Variants in HS3ST4 observed in about 807,000 individuals in gnomAD.
The protein encoded by HS3ST4 is heparan sulfate glucosamine 3-O-sulfotransferase 4.
In HS3ST4, 17 loss-of-function variants were observed where a neutral mutation model predicts 29.2. That is an observed-to-expected ratio of 0.58 (90% CI 0.40 to 0.87). The LOEUF is 0.87. Ranked by LOEUF, HS3ST4 falls within the 40% of genes least tolerant of loss-of-function variation. The pLI, the probability that HS3ST4 is intolerant of heterozygous loss-of-function variation, is 0.00. For missense variants in HS3ST4, 627 were observed against 634.5 expected (o/e 0.99, Z 0.13); for synonymous variants, 314 against 285.7 (o/e 1.10, Z -1.00).
chr16:25,991,697 A>T (rs553356478), intron 1 of HS3ST4, among the ~76,000 whole-genome samples: 1 of 152,304 alleles, frequency 6.6e-6, no homozygotes, highest in South Asian at 2.1e-4. Flanking sequence ...AGACTGGCTA[A>T]AATTATGTCC....
intron 1 of HS3ST4, among the ~76,000 whole-genome samples, chr16:25,956,491 C>T (rs1384903407): frequency 3.3e-5 from 5 of 152,158 alleles, no homozygotes; most frequent in African/African-American, 9.7e-5. Flanking sequence ...AAATCTAGGG[C>T]ATCCAAATTG....
At chr16:26,118,529 A>C (rs1347713415) in intron 1 of HS3ST4, among the ~76,000 whole-genome samples, 2 of 152,214 alleles carry the variant, frequency 1.3e-5, no homozygotes, top group Non-Finnish European at 1.5e-5. Context: ...GCCATTCGTA[A>C]CTACTGGGCA....
chr16:26,094,888 C>T (rs9934523), intron 1 of HS3ST4, among the ~76,000 whole-genome samples: 5,083 of 151,912 alleles, frequency 0.033, 268 homozygotes, highest in African/African-American at 0.11. Flanking sequence ...TGCAAAGATG[C>T]ACATAGGCTC....
intron 1 of HS3ST4, among the ~76,000 whole-genome samples, chr16:25,845,236 C>T (rs954030613): frequency 3.3e-5 from 5 of 152,082 alleles, no homozygotes; most frequent in East Asian, 1.9e-4. Context: ...AGGCCGGGCA[C>T]GGGGATTCAT....
rs1318525715 is a variant in HS3ST4 at position 25,718,445 on chromosome 16, T to C, written c.734+25294T>C. Among the ~76,000 whole-genome samples, 3 of 151,934 alleles carry C rather than the reference T, an allele frequency of 2.0e-5. No homozygotes were observed. The East Asian group carries it at 5.8e-4, about 29-fold the overall frequency. ...AGCTGCTTTCTGGTCATTTCTTACC[T>C]ATGGAGAAAAGTAGTTGGCAATAGG... On this transcript the variant is annotated intron_variant, in intron 1 of 1. Coordinates refer to ENST00000331351, the MANE Select transcript of HS3ST4 (RefSeq NM_006040.3).
chr16:25,696,354 G>T (rs969258073), intron 1 of HS3ST4, among the ~76,000 whole-genome samples: 2 of 152,230 alleles, frequency 1.3e-5, no homozygotes, highest in African/African-American at 2.4e-5. Flanking sequence ...CCAACTGGCT[G>T]CCAATGCAGA....
chr16:25,755,340 A>G (rs1053033781), intron 1 of HS3ST4, among the ~76,000 whole-genome samples: 4 of 152,232 alleles, frequency 2.6e-5, no homozygotes, highest in Non-Finnish European at 5.9e-5. Context: ...TGAGAGAGGC[A>G]ACAATAAACT....
rs1256143522 is a variant in HS3ST4 at position 25,692,445 on chromosome 16, C to T, written c.28C>T (p.Pro10Ser). Reference sequence around the variant, plus strand: ...GGCCCGGTGGCCCGCACCTCCTCCGCCTCCGCCTCCGCCTCCACCTCTGGC... The same window carrying T: ...GGCCCGGTGGCCCGCACCTCCTCCGTCTCCGCCTCCGCCTCCACCTCTGGC... MARWPAPPP[P>S]PPPPPPLAAP... The change falls in exon 1 of 2, where the codon CCT (proline) becomes TCT (serine). Residue 10 changes from proline to serine, a missense_variant. Pro to Ser is a moderately conservative substitution (Grantham distance 74). Around this residue, in one of 2 missense-constraint regions of HS3ST4, gnomAD observed 402 missense variants for 340.8 expected, o/e 1.18. Transcript: ENST00000331351. 10 of 1,256,420 alleles carry T rather than the reference C, an allele frequency of 8.0e-6. No homozygotes were observed. The highest frequency in any genetic ancestry group is 1.0e-5 in the Non-Finnish European group (10 of 988,654). The allele number at this position is 1,256,420 out of a possible 1,614,324, so 77.8% of individuals were successfully genotyped here.
At chr16:25,896,722 G>A (rs1345029714) in intron 1 of HS3ST4, among the ~76,000 whole-genome samples, 1 of 152,132 alleles carries the variant, frequency 6.6e-6, no homozygotes, top group Non-Finnish European at 1.5e-5. Flanking sequence ...ACTCACAATA[G>A]CAAAGACATG....
chr16:26,051,559 A>C (rs1596663698), intron 1 of HS3ST4, among the ~76,000 whole-genome samples: 3 of 152,178 alleles, frequency 2.0e-5, no homozygotes, highest in African/African-American at 7.2e-5. Flanking sequence ...CAAAGATCAC[A>C]CAGACCAGAA....
chr16:25,762,490 G>T (rs1966794421), intron 1 of HS3ST4, among the ~76,000 whole-genome samples: 1 of 152,096 alleles, frequency 6.6e-6, no homozygotes, highest in South Asian at 2.1e-4. Context: ...AGGGTGCTGA[G>T]GCAAGGCTTT....
intron 1 of HS3ST4, among the ~76,000 whole-genome samples, chr16:25,709,086 C>CT (rs75953326): frequency 0.071 from 10,150 of 142,474 alleles, 680 homozygotes; most frequent in African/African-American, 0.19. Flanking sequence ...TTGGGGATAT[C>CT]TTTTTTTTTT....
At chr16:26,036,012 AG>A (rs1381564437) in intron 1 of HS3ST4, among the ~76,000 whole-genome samples, 1 of 152,236 alleles carries the variant, frequency 6.6e-6, no homozygotes, top group Non-Finnish European at 1.5e-5. Flanking sequence ...GTTCACTGAA[AG>A]TCTCTCTCTC....
chr16:26,099,002 C>T (rs1898962367), intron 1 of HS3ST4, among the ~76,000 whole-genome samples: 1 of 152,168 alleles, frequency 6.6e-6, no homozygotes, highest in African/African-American at 2.4e-5. Context: ...ATGCCAAAAT[C>T]AGCCTCTGGG....
At chr16:25,737,319 G>A (rs1216929180) in intron 1 of HS3ST4, among the ~76,000 whole-genome samples, 5 of 151,828 alleles carry the variant, frequency 3.3e-5, no homozygotes, top group Admixed American at 3.3e-4. Context: ...CTGGTTTGAT[G>A]TAGATTAAAA....
At chr16:25,750,407 C>A (rs1966711465) in intron 1 of HS3ST4, among the ~76,000 whole-genome samples, 1 of 152,210 alleles carries the variant, frequency 6.6e-6, no homozygotes, top group South Asian at 2.1e-4. Context: ...GTGTTCAAGG[C>A]AAGAAGACAT....
intron 1 of HS3ST4, among the ~76,000 whole-genome samples, chr16:26,086,296 A>C (rs1898785750): frequency 6.6e-6 from 1 of 152,120 alleles, no homozygotes; most frequent in Non-Finnish European, 1.5e-5. Context: ...CTCGCTCAGT[A>C]GAGTGTCAGC....
chr16:25,737,382 A>T (rs909228480), intron 1 of HS3ST4, among the ~76,000 whole-genome samples: 39 of 152,256 alleles, frequency 2.6e-4, no homozygotes, highest in African/African-American at 8.9e-4. Context: ...AAACACACAC[A>T]CACACACTCA....
chr16:25,717,504 T>G (rs1966462118), intron 1 of HS3ST4, among the ~76,000 whole-genome samples: 2 of 134,010 alleles, frequency 1.5e-5, no homozygotes, highest in African/African-American at 2.9e-5. Flanking sequence ...GAGTAGAAGG[T>G]GAAGGGGTGT....
Sources: allele counts gnomAD v4.1 joint callset (sites outside exome capture counted in the v4.1 genomes callset), GRCh38; gene constraint gnomAD v4.1.1; regional missense constraint gnomAD v4.1.1; transcripts MANE v1.5; gene names NCBI Gene and HGNC (gene_info 2026-07-23, HGNC 2026-07-21).